The following SCAF8 variants were observed in gnomAD, a reference collection of about 807,000 sequenced individuals.
The protein encoded by SCAF8 is SR-related CTD associated factor 8, also known as SR-related and CTD-associated factor 8.
In SCAF8, 23 loss-of-function variants were observed where a neutral mutation model predicts 140.5. The ratio of observed to expected loss-of-function variants is 0.16; its 90% CI spans 0.12 to 0.23. The LOEUF (loss-of-function observed/expected upper bound fraction) is 0.23, where lower values mean the gene tolerates loss of function less well. Ranked by LOEUF, SCAF8 falls within the 10% of genes least tolerant of loss-of-function variation. SCAF8 has a pLI of 1.00. For missense variants in SCAF8, 1,397 were observed against 1,555.7 expected (o/e 0.90, Z 1.72); for synonymous variants, 575 against 528.9 (o/e 1.09, Z -1.20).
intron 17 of SCAF8, among the ~76,000 whole-genome samples, chr6:154,825,843 A>C (rs1482135395): frequency 6.6e-6 from 1 of 151,986 alleles, no homozygotes; most frequent in African/African-American, 2.4e-5. Flanking sequence ...TATATAAGCA[A>C]TTATATACGC....
At chr6:154,783,212 T>C (rs905807667) in intron 3 of SCAF8, among the ~76,000 whole-genome samples, 1 of 152,222 alleles carries the variant, frequency 6.6e-6, no homozygotes, top group Admixed American at 6.5e-5. Context: ...CCAACTCTTT[T>C]TGTCTGTATG....
chr6:154,783,352 A>C (rs954559514), intron 3 of SCAF8, among the ~76,000 whole-genome samples: 1 of 152,222 alleles, frequency 6.6e-6, no homozygotes, highest in Non-Finnish European at 1.5e-5. Context: ...AGTGAAATAC[A>C]TTCTATGGTA....
chr6:154,755,250 T>G (rs1410833138), intron 1 of SCAF8, among the ~76,000 whole-genome samples: 1 of 152,120 alleles, frequency 6.6e-6, no homozygotes, highest in Non-Finnish European at 1.5e-5. Context: ...TATTTTAGAT[T>G]ATTAGATTAT....
intron 3 of SCAF8, among the ~76,000 whole-genome samples, chr6:154,785,883 A>G (rs1163149410): frequency 6.6e-6 from 1 of 152,224 alleles, no homozygotes; most frequent in Non-Finnish European, 1.5e-5. Flanking sequence ...TCTATAAAAT[A>G]AGAAATTGGA....
At chr6:154,829,684 A>G (rs1169746997) in intron 18 of SCAF8, among the ~76,000 whole-genome samples, 1 of 152,142 alleles carries the variant, frequency 6.6e-6, no homozygotes, top group Non-Finnish European at 1.5e-5. Flanking sequence ...AGGTGGGTGG[A>G]TCACTCGAGG....
chr6:154,833,333 G>A lies in SCAF8; in HGVS notation c.3754G>A (p.Asp1252Asn). Residue 1252 changes from aspartate (D) to asparagine (N), a missense_variant, in exon 20 of 20, where the codon GAC (aspartate) becomes AAC (asparagine). This residue lies in a region of SCAF8 where 930 missense variants were observed against 874.6 expected (regional missense o/e 1.06). Transcript: ENST00000367178. ...SSNEINKEKSDTVADIESEPV... is the reference protein window; with the variant it reads ...SSNEINKEKSNTVADIESEPV... ...AAATGAAATAAACAAGGAGAAGAGT[G>A]ACACAGTTGCTGATATAGAAAGTGA... 6.2e-7 allele frequency: 1 copy of A among 1,613,958 alleles called. No homozygotes were observed. Among genetic ancestry groups the A allele is most frequent in the Admixed American group, 1.7e-5 (1 of 60,014 alleles).
intron 9 of SCAF8, among the ~76,000 whole-genome samples, chr6:154,806,147 A>C (rs1344521485): frequency 6.6e-6 from 1 of 152,236 alleles, no homozygotes; most frequent in Admixed American, 6.5e-5. Context: ...TAAAACATCG[A>C]TAACTAAATG....
intron 1 of SCAF8, among the ~76,000 whole-genome samples, chr6:154,764,689 C>T (rs1359894095): frequency 6.6e-6 from 1 of 152,124 alleles, no homozygotes; most frequent in African/African-American, 2.4e-5. Flanking sequence ...CACTGGGTAG[C>T]TGGAGAGCCC....
chr6:154,748,471 C>A (rs914535037), intron 1 of SCAF8, among the ~76,000 whole-genome samples: 9 of 151,880 alleles, frequency 5.9e-5, no homozygotes, highest in Non-Finnish European at 1.0e-4. Context: ...CATCTTGTCT[C>A]TGGCTGAATA....
intron 10 of SCAF8, 50 bp from the exon 11 acceptor site, chr6:154,808,634 ACT>A (rs1380594686): frequency 2.7e-6 from 3 of 1,126,228 alleles, no homozygotes; most frequent in South Asian, 1.3e-5. Context: ...TCAATGTATA[ACT>A]CTGTCTCAAC....
At chr6:154,803,293 A>C (rs1383576199) in intron 7 of SCAF8, among the ~76,000 whole-genome samples, 1 of 152,182 alleles carries the variant, frequency 6.6e-6, no homozygotes, top group Non-Finnish European at 1.5e-5. Context: ...AGTCTTCTGT[A>C]AAATTTGAGT....
chr6:154,798,000 G>A (rs1005840433), intron 6 of SCAF8, among the ~76,000 whole-genome samples: 2 of 151,290 alleles, frequency 1.3e-5, no homozygotes, highest in African/African-American at 4.8e-5. Flanking sequence ...CTGAAGTCCA[G>A]TGATACTGTA....
At chr6:154,769,717 G>A (rs971112630) in intron 1 of SCAF8, among the ~76,000 whole-genome samples, 7 of 152,216 alleles carry the variant, frequency 4.6e-5, no homozygotes, top group African/African-American at 1.7e-4. Flanking sequence ...GGGACATATA[G>A]TTGGAATTAA....
rs1161006266 is a variant in SCAF8 at position 154,833,463 on chromosome 6, C to T, written c.*68C>T. 9.0e-6 allele frequency: 13 copies of T among 1,444,928 alleles called. No individual in the cohort carries two copies. Among genetic ancestry groups the T allele is most frequent in the South Asian group, 1.3e-5 (1 of 74,246 alleles). The allele number at this position is 1,444,928 out of a possible 1,614,324, so 89.5% of individuals were successfully genotyped here. The stretch of plus-strand genomic sequence containing the variant: ...TCTCTCTGTAATAGATAATGGCTGA[C>T]TGGACCATAGTTGTTCACTTTTGTC... On this transcript the variant is annotated 3_prime_UTR_variant, in exon 20 of 20. Transcript: ENST00000367178.
intron 18 of SCAF8, among the ~76,000 whole-genome samples, chr6:154,829,009 A>T (rs1778650130): frequency 6.6e-6 from 1 of 152,160 alleles, no homozygotes; most frequent in Admixed American, 6.5e-5. Context: ...TTTTATCCCA[A>T]AGGTGTATAA....
chr6:154,793,607 G>C (rs964101965), intron 5 of SCAF8, among the ~76,000 whole-genome samples: 3 of 151,758 alleles, frequency 2.0e-5, no homozygotes, highest in African/African-American at 7.3e-5. Context: ...CTGAGGTCAG[G>C]AGTTGGAGAG....
intron 8 of SCAF8, among the ~76,000 whole-genome samples, chr6:154,804,568 T>C (rs941650375): frequency 3.3e-5 from 5 of 152,216 alleles, no homozygotes; most frequent in African/African-American, 1.2e-4. Context: ...TCTATTAATA[T>C]ACACTGACCC....
intron 1 of SCAF8, among the ~76,000 whole-genome samples, chr6:154,749,839 A>G (rs976870428): frequency 5.3e-5 from 8 of 152,180 alleles, no homozygotes; most frequent in Non-Finnish European, 1.0e-4. Flanking sequence ...AATGACTAGC[A>G]TCTTTGTGGA....
chr6:154,800,776 C>T (rs1197316012), intron 6 of SCAF8, among the ~76,000 whole-genome samples: 1 of 151,360 alleles, frequency 6.6e-6, no homozygotes, highest in African/African-American at 2.4e-5. Flanking sequence ...CTATTTTCTA[C>T]ATTTTTGAGA....
Sources: gnomAD v4.1 joint callset for allele counts (sites outside exome capture counted in the v4.1 genomes callset) on GRCh38, gnomAD v4.1.1 for gene constraint, gnomAD v4.1.1 regional missense constraint, MANE v1.5 for transcripts, NCBI Gene and HGNC (gene_info 2026-07-23, HGNC 2026-07-21) for gene names.